The following MYF5 variants were observed in gnomAD, a reference collection of about 807,000 sequenced individuals.
MYF5 encodes the protein myogenic factor 5.
In MYF5, 20 loss-of-function variants were observed where a neutral mutation model predicts 22.3. The observed-to-expected ratio is 0.90, with a 90% CI of 0.63 to 1.30. The LOEUF is 1.30. MYF5 is among the 50% of genes most tolerant of loss of function. The probability of loss-of-function intolerance (pLI) is 0.00; values close to 1 mark genes in which losing one functional copy is unlikely to be tolerated. For missense variants in MYF5, 348 were observed against 325.9 expected, an observed-to-expected ratio of 1.07 and a Z score of -0.52; for synonymous variants, 141 against 128.4, an observed-to-expected ratio of 1.10 and a Z score of -0.66.
rs1435604077 is a variant in MYF5, at chr12:80,719,569, T to C, written c.*518T>C. The C allele has an allele frequency of 6.6e-6, 1 of 152,104 alleles. No individual in the cohort carries two copies. Among genetic ancestry groups the C allele is most frequent in the Non-Finnish European group, 1.5e-5 (1 of 67,978 alleles). 9.4% of individuals were successfully genotyped at this position (152,104 alleles called of 1,614,324 possible). A position where few individuals can be genotyped will look rare whatever the true frequency, so the allele number is the denominator to read the frequency against. On this transcript the variant is annotated 3_prime_UTR_variant, in exon 3 of 3. Transcript: ENST00000228644. ...TATTTTGATCTTTTCTTGTAAGAAA[T>C]GTATCTTTTAAATGTAAGCACAAAA... is the stretch of plus-strand genomic sequence containing the variant.
At position 80,718,892 on chromosome 12, in the gene MYF5, C is replaced by T. The variant is rs780215515; in HGVS notation, c.609C>T (p.Ser203=). 2.0e-5 allele frequency: 32 copies of T among 1,613,864 alleles called. No individual in the cohort carries two copies. The South Asian group carries it at 3.4e-4, about 17-fold the overall frequency. ...CCACAGATAAAAACTCCTTATCCAG[C>T]TTGGATTGCTTATCCAACATAGTGG... ...VYATDKNSLS[S]LDCLSNIVDR... The change falls in exon 3 of 3, where the codon AGC becomes AGT. Residue 203 remains serine (S), a synonymous_variant. Coordinates refer to ENST00000228644, the MANE Select transcript of MYF5 (RefSeq NM_005593.3).
Position 80,719,188 on chromosome 12 carries a change from C to T in MYF5, c.*137C>T. The stretch of plus-strand genomic sequence containing the variant: ...TTGTAAATTTGTAAAGATTACCTTG[C>T]CACTTTATAAGAAAGTGTATTTAAC... On this transcript the variant is annotated 3_prime_UTR_variant, in exon 3 of 3. Transcript: ENST00000228644. The T allele has an allele frequency of 1.6e-6, 1 of 627,748 alleles. No individual in the cohort carries two copies. The allele number at this position is 627,748 out of a possible 1,614,324, so 38.9% of individuals were successfully genotyped here.
chr12:80,718,263 T>C, intron 1 of MYF5, 95 bp from the exon 2 acceptor site: 2 of 982,270 alleles, frequency 2.0e-6, no homozygotes, highest in Non-Finnish European at 3.3e-6. Context: ...CAGTGTTCGG[T>C]TACAGAGCTG....
chr12:80,718,575 T>C (rs1180822132), intron 2 of MYF5, 142 bp downstream of exon 2: 7 of 771,544 alleles, frequency 9.1e-6, no homozygotes, highest in Non-Finnish European at 1.3e-5. Context: ...TAAAGCAAAA[T>C]AAACACATCT....
Position 80,716,963 on chromosome 12 carries a change from G to A in MYF5, c.-101G>A. ...GTTAATTACCGGAGCGACAGACTAG[G>A]GAGCTCCGCCCGGGATTTGCCCATC... On this transcript the variant is annotated 5_prime_UTR_variant, in exon 1 of 3. Transcript: ENST00000228644. 2 of 1,430,402 alleles carry A rather than the reference G, an allele frequency of 1.4e-6. No homozygotes were observed. Among genetic ancestry groups the A allele is most frequent in the Non-Finnish European group, 1.9e-6 (2 of 1,061,706 alleles). The allele number at this position is 1,430,402 out of a possible 1,614,324, so 88.6% of individuals were successfully genotyped here.
rs1407548361 is a variant in MYF5, at chr12:80,718,955, C to A, written c.672C>A (p.Leu224=). Residue 224 remains leucine (L), a synonymous_variant, in exon 3 of 3, where the codon CTC becomes CTA. Coordinates refer to ENST00000228644, the MANE Select transcript of MYF5 (RefSeq NM_005593.3). The part of the protein sequence containing the change: ...ITSSEQPGLP[L]QDLASLSPVA... ...CCTCAGAGCAACCTGGGTTGCCTCT[C>A]CAGGATCTGGCTTCTCTCTCTCCAG... 6.2e-7 allele frequency: 1 copy of A among 1,614,112 alleles called. No individual in the cohort carries two copies. The highest frequency in any genetic ancestry group is 2.2e-5 in the East Asian group (1 of 44,850).
At chr12:80,718,120 A>G (rs576551341) in intron 1 of MYF5, among the ~76,000 whole-genome samples, 1 of 152,222 alleles carries the variant, frequency 6.6e-6, no homozygotes, top group Non-Finnish European at 1.5e-5. Context: ...CCCAATGCAC[A>G]TTGCTGCTGA....
At chr12:80,718,710 G>C (rs985603154) in intron 2 of MYF5, 151 bp from the exon 3 acceptor site, 26 of 702,590 alleles carry the variant, frequency 3.7e-5, no homozygotes, top group African/African-American at 7.2e-5. Flanking sequence ...GGAATTGCCA[G>C]ATATTTGTTG....
rs1868675414 is a variant in MYF5 at position 80,718,878 on chromosome 12, A to G, written c.595A>G (p.Asn199Asp). ...ATCCTTAGTATATGCCACAGATAAA[A>G]ACTCCTTATCCAGCTTGGATTGCTT... is the stretch of plus-strand genomic sequence containing the variant. The part of the protein sequence containing the change: ...DVSNVYATDK[N>D]SLSSLDCLSN... Residue 199 changes from asparagine to aspartate, a missense_variant, in exon 3 of 3, where the codon AAC becomes GAC. Coordinates refer to ENST00000228644, the MANE Select transcript of MYF5 (RefSeq NM_005593.3). 2 of 1,613,392 alleles carry G rather than the reference A, an allele frequency of 1.2e-6. No homozygotes were observed. The highest frequency in any genetic ancestry group is 2.7e-5 in the African/African-American group (2 of 74,888).
Position 80,718,973 on chromosome 12 carries a change from C to T in MYF5, c.690C>T (p.Leu230=), listed in dbSNP as rs957104355. Residue 230 remains leucine, a synonymous_variant, in exon 3 of 3, where the codon CTC becomes CTT. Transcript: ENST00000228644. Reference sequence around the variant, plus strand: ...TGCCTCTCCAGGATCTGGCTTCTCTCTCTCCAGTTGCCAGCACCGATTCAC... The same window carrying T: ...TGCCTCTCCAGGATCTGGCTTCTCTTTCTCCAGTTGCCAGCACCGATTCAC... ...PGLPLQDLAS[L]SPVASTDSQP... is the part of the protein sequence containing the mutation. 1.2e-6 allele frequency: 2 copies of T among 1,614,182 alleles called. No homozygotes were observed. The highest frequency in any genetic ancestry group is 3.3e-5 in the Admixed American group (2 of 60,022).
rs2121359563 is a variant in MYF5 at position 80,717,683 on chromosome 12, A to G, written c.501+119A>G. 7.0e-6 allele frequency: 9 copies of G among 1,278,952 alleles called. 1 individual carries two copies. The highest frequency in any genetic ancestry group is 2.3e-4 in the Middle Eastern group (1 of 4,422). 79.2% of individuals were successfully genotyped at this position (1,278,952 alleles called of 1,614,324 possible). A position where few individuals can be genotyped will look rare whatever the true frequency, so the allele number is the denominator to read the frequency against. On this transcript the variant is annotated intron_variant, in intron 1 of 2. Coordinates refer to ENST00000228644, the MANE Select transcript of MYF5 (RefSeq NM_005593.3). The stretch of plus-strand genomic sequence containing the variant: ...GAGGCAGATGCTGAGTTGCTTTAAA[A>G]GAAGAGAGGGGTCCACATTTAGAAA...
At chr12:80,718,767 C>A in intron 2 of MYF5, 94 bp from the exon 3 acceptor site, 1 of 1,096,600 alleles carries the variant, frequency 9.1e-7, no homozygotes, top group Non-Finnish European at 1.3e-6. Flanking sequence ...CTCTGGGTGT[C>A]AGAGGAGCTG....
At chr12:80,718,567 A>C (rs1248756061) in intron 2 of MYF5, 134 bp downstream of exon 2, 2 of 823,776 alleles carry the variant, frequency 2.4e-6, no homozygotes, top group African/African-American at 3.4e-5. Context: ...GGCTTTGGTA[A>C]AGCAAAATAA....
chr12:80,717,311 A>C lies in MYF5; in HGVS notation c.248A>C (p.Asp83Ala). The C allele has an allele frequency of 6.2e-7, 1 of 1,613,982 alleles. No individual in the cohort carries two copies. Among genetic ancestry groups the C allele is most frequent in the Non-Finnish European group, 8.5e-7 (1 of 1,180,010 alleles). The stretch of plus-strand genomic sequence containing the variant: ...TGCAAGAGGAAGTCCACCACCATGG[A>C]TCGGCGGAAGGCAGCCACTATGCGC... Reference protein sequence around the residue: ...KACKRKSTTMDRRKAATMRER... With the variant: ...KACKRKSTTMARRKAATMRER... Residue 83 changes from aspartate (D) to alanine (A), a missense_variant, in exon 1 of 3, where the codon GAT becomes GCT. Physicochemically the swap from Asp to Ala is moderately radical, Grantham distance 126. Coordinates refer to ENST00000228644, the MANE Select transcript of MYF5 (RefSeq NM_005593.3).
Position 80,716,913 on chromosome 12 carries a change from C to T in MYF5, c.-151C>T, listed in dbSNP as rs1868612632. 3 of 950,440 alleles carry T rather than the reference C, an allele frequency of 3.2e-6. No individual in the cohort carries two copies. Among genetic ancestry groups the T allele is most frequent in the Admixed American group, 2.8e-5 (1 of 35,114 alleles). The allele number at this position is 950,440 out of a possible 1,614,324, so 58.9% of individuals were successfully genotyped here. ...AAGAACCCCAACCCCAGCTTGTCTA[C>T]CCAGGCCAACAGGCGTCTGCCCTTG... On this transcript the variant is annotated 5_prime_UTR_variant, in exon 1 of 3. Coordinates refer to ENST00000228644, the MANE Select transcript of MYF5 (RefSeq NM_005593.3).
Position 80,718,430 on chromosome 12 carries a change from A to G in MYF5, c.574A>G (p.Asn192Asp), listed in dbSNP as rs549330606. 33 of 1,610,406 alleles carry G rather than the reference A, an allele frequency of 2.0e-5. No individual in the cohort carries two copies. The highest frequency in any genetic ancestry group is 4.4e-5 in the South Asian group (4 of 91,016). ...FDSIYCPDVSNVYATDKNSLS... is the reference protein window; with the variant it reads ...FDSIYCPDVSDVYATDKNSLS... ...CAGCATCTACTGTCCTGATGTATCA[A>G]ATGGTAAGAATTGATAACTTCACAG... is the stretch of plus-strand genomic sequence containing the variant. Residue 192 changes from asparagine (N) to aspartate (D), a missense_variant, in exon 2 of 3, where the codon AAT (asparagine) becomes GAT (aspartate). Transcript: ENST00000228644.
chr12:80,717,388 T>C lies in MYF5; in HGVS notation c.325T>C (p.Cys109Arg). Reference protein sequence around the residue: ...VNQAFETLKRCTTTNPNQRLP... With the variant: ...VNQAFETLKRRTTTNPNQRLP... ...CCAGGCTTTCGAAACCCTCAAGAGG[T>C]GTACCACGACCAACCCCAACCAGAG... is the stretch of plus-strand genomic sequence containing the variant. The change falls in exon 1 of 3, where the codon TGT (cysteine) becomes CGT (arginine). Residue 109 changes from cysteine to arginine, a missense_variant. Physicochemically the swap from Cys to Arg is radical, Grantham distance 180. Transcript: ENST00000228644. The C allele has an allele frequency of 6.2e-7, 1 of 1,613,932 alleles. No homozygotes were observed. The highest frequency in any genetic ancestry group is 8.5e-7 in the Non-Finnish European group (1 of 1,179,968).
chr12:80,716,959 C>T lies in MYF5; in HGVS notation c.-105C>T, dbSNP rs1452797589. 3 of 1,402,918 alleles carry T rather than the reference C, an allele frequency of 2.1e-6. No homozygotes were observed. The highest frequency in any genetic ancestry group is 2.3e-5 in the East Asian group (1 of 43,198). 86.9% of individuals were successfully genotyped at this position (1,402,918 alleles called of 1,614,324 possible). A position where few individuals can be genotyped will look rare whatever the true frequency, so the allele number is the denominator to read the frequency against. On this transcript the variant is annotated 5_prime_UTR_variant, in exon 1 of 3. Coordinates refer to ENST00000228644, the MANE Select transcript of MYF5 (RefSeq NM_005593.3). ...CCTTGTTAATTACCGGAGCGACAGA[C>T]TAGGGAGCTCCGCCCGGGATTTGCC...
intron 1 of MYF5, among the ~76,000 whole-genome samples, chr12:80,717,881 C>T (rs943298054): frequency 6.6e-6 from 1 of 152,086 alleles, no homozygotes; most frequent in Non-Finnish European, 1.5e-5. Flanking sequence ...TCATGCCCTA[C>T]GCTAATATCT....
Sources: gnomAD v4.1 joint callset for allele counts (sites outside exome capture counted in the v4.1 genomes callset) on GRCh38, gnomAD v4.1.1 for gene constraint, MANE v1.5 for transcripts, NCBI Gene and HGNC (gene_info 2026-07-23, HGNC 2026-07-21) for gene names.